Variants in THSD7A observed in about 807,000 individuals in gnomAD.
The protein encoded by THSD7A is thrombospondin type-1 domain-containing protein 7A.
THSD7A carries 96 observed loss-of-function variants against 231.3 expected under a neutral mutation model. The observed-to-expected ratio is 0.41, with a 90% confidence interval of 0.35 to 0.49. The LOEUF (loss-of-function observed/expected upper bound fraction) is 0.49, where lower values mean the gene tolerates loss of function less well. THSD7A is among the 20% of genes least tolerant of loss of function. THSD7A has a pLI of 0.05. For missense variants in THSD7A, 2,290 were observed against 2,070.2 expected (o/e 1.11, Z -2.06); for synonymous variants, 940 against 743.3 (o/e 1.26, Z -4.30).
intron 1 of THSD7A, among the ~76,000 whole-genome samples, chr7:11,769,151 A>ATTTTTTTTTT (rs1422492872): frequency 2.8e-5 from 1 of 35,468 alleles, no homozygotes; most frequent in African/African-American, 8.8e-5. Context: ...ATATATATAT[A>ATTTTTTTTTT]TATTTTTTTT....
At chr7:11,435,832 G>A (rs933863866) in intron 13 of THSD7A, among the ~76,000 whole-genome samples, 4 of 152,056 alleles carry the variant, frequency 2.6e-5, no homozygotes, top group Admixed American at 6.6e-5. Context: ...CTTGTGAGAA[G>A]TAAGGTTGGC....
intron 6 of THSD7A, among the ~76,000 whole-genome samples, chr7:11,537,730 T>TGCTTATAAA (rs1359220162): frequency 1.3e-5 from 2 of 152,198 alleles, no homozygotes; most frequent in Non-Finnish European, 2.9e-5. Context: ...TTATAAGCAA[T>TGCTTATAAA]GCACAAATAG....
intron 4 of THSD7A, among the ~76,000 whole-genome samples, chr7:11,577,176 T>C (rs188606080): frequency 2.6e-4 from 40 of 152,336 alleles, no homozygotes; most frequent in African/African-American, 9.1e-4. Flanking sequence ...GTCAATAGCT[T>C]TCCTAGTTAA....
At position 11,670,001 on chromosome 7, in the gene THSD7A, A is replaced by G. The variant is rs186223924; in HGVS notation, c.191-33040T>C. Among the ~76,000 whole-genome samples the G allele has an allele frequency of 2.0e-4, 30 of 152,104 alleles. 1 individual carries two copies. The South Asian group carries it at 2.5e-3, about 13-fold the overall frequency. On this transcript the variant is annotated intron_variant, in intron 1 of 27. Transcript: ENST00000423059. ...TGTGTGTGTGTGTGTGTTTATGTGC[A>G]AGCTTGTGCTTGTAAATATGTGTGT...
At chr7:11,821,410 CTTTTA>C (rs201790310) in intron 1 of THSD7A, 33,166 of 307,132 alleles carry the variant, frequency 0.11, 2,267 homozygotes, top group East Asian at 0.2. Context: ...CTTTTTTTTT[CTTTTA>C]TTTTTTTAGG....
chr7:11,481,745 C>G (rs1200612826), intron 7 of THSD7A, 43 bp downstream of exon 7: 1 of 1,522,594 alleles, frequency 6.6e-7, no homozygotes, highest in East Asian at 2.3e-5. Context: ...TGCACACTAA[C>G]TTTTGAAACG....
chr7:11,592,906 G>A (rs544803839), intron 3 of THSD7A, among the ~76,000 whole-genome samples: 23 of 152,152 alleles, frequency 1.5e-4, no homozygotes, highest in Admixed American at 6.6e-4. Flanking sequence ...GCCACGCTCA[G>A]TTGTTTACAT....
chr7:11,501,771 TAAC>T (rs1402387219), intron 6 of THSD7A, among the ~76,000 whole-genome samples: 1 of 151,666 alleles, frequency 6.6e-6, no homozygotes, highest in Admixed American at 6.6e-5. Flanking sequence ...AGATGAGAAA[TAAC>T]AAAAAATCAG....
At position 11,446,375 on chromosome 7, in the gene THSD7A, A is replaced by G. The variant is rs1784972349; in HGVS notation, c.2801-51T>C. 2.6e-6 allele frequency: 4 copies of G among 1,552,822 alleles called. No homozygotes were observed. The highest frequency in any genetic ancestry group is 4.5e-5 in the East Asian group (2 of 44,374). ...TTTAAGTTGGAAAATACCATCATTA[A>G]TTTCACACATCCCTAAATTTTCTGC... On this transcript the variant is annotated intron_variant, in intron 12 of 27. Transcript: ENST00000423059. The surrounding 1 kb of genome is among the most constrained non-coding windows in gnomAD (Gnocchi z 4.0).
intron 24 of THSD7A, among the ~76,000 whole-genome samples, chr7:11,380,239 T>C (rs1032142177): frequency 6.6e-6 from 1 of 152,186 alleles, no homozygotes; most frequent in Non-Finnish European, 1.5e-5. Context: ...AGAAAACAAA[T>C]GTATCTACGA....
intron 1 of THSD7A, among the ~76,000 whole-genome samples, chr7:11,692,875 A>C (rs760941779): frequency 6.6e-6 from 1 of 151,574 alleles, no homozygotes; most frequent in Non-Finnish European, 1.5e-5. Flanking sequence ...ATTCTTCAGG[A>C]GAAGATTCTA....
At chr7:11,395,501 C>A (rs1002812805) in intron 23 of THSD7A, among the ~76,000 whole-genome samples, 9 of 151,376 alleles carry the variant, frequency 5.9e-5, no homozygotes, top group Non-Finnish European at 1.3e-4. Context: ...CTCTCCACCC[C>A]AAATCAACAG....
At chr7:11,459,936 T>C (rs1356489236) in intron 11 of THSD7A, among the ~76,000 whole-genome samples, 1 of 152,104 alleles carries the variant, frequency 6.6e-6, no homozygotes, top group African/African-American at 2.4e-5. Context: ...AGGAGCTGTA[T>C]GCTATAAGTC....
rs542528463 is a variant in THSD7A, at chr7:11,406,517, C to T, written c.4063-43G>A. The T allele has an allele frequency of 2.3e-5, 35 of 1,535,132 alleles. No homozygotes were observed. The highest frequency in any genetic ancestry group is 8.8e-5 in the South Asian group (7 of 79,436). On this transcript the variant is annotated intron_variant, in intron 21 of 27. Transcript: ENST00000423059. The surrounding 1 kb of genome is among the most constrained non-coding windows in gnomAD (Gnocchi z 4.7). Reference sequence around the variant, plus strand: ...ATAACTAATTAGAAAAAGAGAAATACTTCATTAGAGAGCTCATCACTTAGT... The same window carrying T: ...ATAACTAATTAGAAAAAGAGAAATATTTCATTAGAGAGCTCATCACTTAGT...
At chr7:11,733,269 A>G (rs945247771) in intron 1 of THSD7A, among the ~76,000 whole-genome samples, 7 of 151,844 alleles carry the variant, frequency 4.6e-5, no homozygotes, top group African/African-American at 7.2e-5. Context: ...ATATTATGTC[A>G]GTAACAGCCC....
intron 4 of THSD7A, among the ~76,000 whole-genome samples, chr7:11,550,553 G>A (rs1193289851): frequency 6.6e-6 from 1 of 152,048 alleles, no homozygotes; most frequent in Non-Finnish European, 1.5e-5. Context: ...TTTTCCCTTT[G>A]CTCTCTCTTT....
At chr7:11,443,549 A>G (rs1326687200) in intron 13 of THSD7A, among the ~76,000 whole-genome samples, 2 of 152,142 alleles carry the variant, frequency 1.3e-5, no homozygotes, top group African/African-American at 4.8e-5. Flanking sequence ...ATTAACCTGA[A>G]ACATACTTAT....
In THSD7A at chr7:11,814,127, G is replaced by A. The variant is rs867072157; in HGVS notation, c.190+17630C>T. Among the ~76,000 whole-genome samples, 7 of 152,254 alleles carry A rather than the reference G, an allele frequency of 4.6e-5. No homozygotes were observed. In the South Asian group the frequency reaches 6.2e-4, roughly 14 times the overall value. On this transcript the variant is annotated intron_variant, in intron 1 of 27. Coordinates refer to ENST00000423059, the MANE Select transcript of THSD7A (RefSeq NM_015204.3). The surrounding 1 kb of genome is among the most constrained non-coding windows in gnomAD (Gnocchi z 5.1). Reference sequence around the variant, plus strand: ...AGAAAAAGTAGATTGGTATTTGCCCGGGACCTGGGCTGATGGCTCAGGGAT... The same window carrying A: ...AGAAAAAGTAGATTGGTATTTGCCCAGGACCTGGGCTGATGGCTCAGGGAT...
intron 15 of THSD7A, among the ~76,000 whole-genome samples, chr7:11,426,169 A>G (rs1307754701): frequency 6.6e-6 from 1 of 152,228 alleles, no homozygotes; most frequent in Non-Finnish European, 1.5e-5. Context: ...AGAACTAAAT[A>G]GCACAGGATA....
Sources: allele counts gnomAD v4.1 joint callset (sites outside exome capture counted in the v4.1 genomes callset), GRCh38; gene constraint gnomAD v4.1.1; non-coding constraint Gnocchi (gnomAD v3.1); transcripts MANE v1.5; gene names NCBI Gene and HGNC (gene_info 2026-07-23, HGNC 2026-07-21).